TNS3: variants seen among roughly 807,000 people sequenced by gnomAD.
TNS3 encodes tensin 3, also known as tensin-3.
A neutral mutation model predicts 140.9 loss-of-function variants in TNS3; 45 were observed. That is an observed-to-expected ratio of 0.32 (90% CI 0.25 to 0.41). The LOEUF (loss-of-function observed/expected upper bound fraction) is 0.41, where lower values mean the gene tolerates loss of function less well. TNS3 is among the 10% of genes least tolerant of loss of function. The pLI, the probability that TNS3 is intolerant of heterozygous loss-of-function variation, is 1.00. For missense variants in TNS3, 1,716 were observed against 1,906.7 expected (o/e 0.90, Z 1.86); for synonymous variants, 815 against 788.4 (o/e 1.03, Z -0.56).
chr7:47,285,536 A>G (rs1286361031), intron 27 of TNS3, among the ~76,000 whole-genome samples: 13 of 152,138 alleles, frequency 8.5e-5, no homozygotes, highest in Admixed American at 7.9e-4. Context: ...TTCTACCATG[A>G]TCATGAGGCC....
chr7:47,416,976 C>G (rs1038987424), intron 10 of TNS3, among the ~76,000 whole-genome samples: 2 of 152,218 alleles, frequency 1.3e-5, no homozygotes, highest in African/African-American at 4.8e-5. Context: ...CAGTGGCACC[C>G]TGAGTCCCAC....
At chr7:47,422,827 G>C (rs377703368) in intron 10 of TNS3, among the ~76,000 whole-genome samples, 1 of 151,256 alleles carries the variant, frequency 6.6e-6, no homozygotes, top group South Asian at 2.1e-4. Context: ...TGAATGTCAC[G>C]ATTTTGGAAA....
chr7:47,275,877 G>C lies in TNS3; in HGVS notation c.*2199C>G. On this transcript the variant is annotated 3_prime_UTR_variant, in exon 31 of 31. Coordinates refer to ENST00000311160, the MANE Select transcript of TNS3 (RefSeq NM_022748.12). ...TCATGAGGGCCATCGCGGGCACCCC[G>C]ATGTCTCTGTGATTCCCTGGCAGGC... 1 of 455,982 alleles carries C rather than the reference G, an allele frequency of 2.2e-6. No individual in the cohort carries two copies. 28.2% of individuals were successfully genotyped at this position (455,982 alleles called of 1,614,324 possible). A position where few individuals can be genotyped will look rare whatever the true frequency, so the allele number is the denominator to read the frequency against.
At chr7:47,373,288 C>T (rs529217701) in intron 16 of TNS3, among the ~76,000 whole-genome samples, 43 of 152,118 alleles carry the variant, frequency 2.8e-4, no homozygotes, top group Non-Finnish European at 5.0e-4. Context: ...CCTGGTTTTA[C>T]GTTTACAAAA....
intron 1 of TNS3, among the ~76,000 whole-genome samples, chr7:47,544,130 C>A (rs944730333): frequency 2.6e-5 from 4 of 152,150 alleles, no homozygotes; most frequent in Admixed American, 1.3e-4. Flanking sequence ...AGGTGGCTCT[C>A]CCCAGCCCCC....
intron 16 of TNS3, among the ~76,000 whole-genome samples, chr7:47,380,332 G>A (rs987266605): frequency 3.3e-5 from 5 of 152,222 alleles, no homozygotes; most frequent in African/African-American, 1.2e-4. Flanking sequence ...ACTCCTAACT[G>A]AAAACACAGG....
At chr7:47,373,910 G>T (rs1484858332) in intron 16 of TNS3, among the ~76,000 whole-genome samples, 2 of 152,146 alleles carry the variant, frequency 1.3e-5, no homozygotes, top group Non-Finnish European at 2.9e-5. Flanking sequence ...CACACACACA[G>T]CCCACAAGGA....
rs1358975900 is a variant in TNS3 at position 47,407,710 on chromosome 7, G to T, written c.723+4017C>A. Among the ~76,000 whole-genome samples the T allele has an allele frequency of 1.3e-5, 2 of 152,158 alleles. No individual in the cohort carries two copies. The highest frequency in any genetic ancestry group is 4.8e-5 in the African/African-American group (2 of 41,438). On this transcript the variant is annotated intron_variant, in intron 13 of 30. Transcript: ENST00000311160. The surrounding 1 kb of genome is among the most constrained non-coding windows in gnomAD (Gnocchi z 4.1). ...AAATTAAAATGAGGTCATTAGGCTG[G>T]GCCCGAATGAATGATAACTGGTGTC... is the stretch of plus-strand genomic sequence containing the variant.
chr7:47,380,994 T>C (rs1360221174), intron 16 of TNS3, among the ~76,000 whole-genome samples: 1 of 152,148 alleles, frequency 6.6e-6, no homozygotes, highest in Non-Finnish European at 1.5e-5. Context: ...GGACTTTGAT[T>C]CCGCCAAAAA....
At chr7:47,333,869 CA>C (rs1368624140) in intron 20 of TNS3, among the ~76,000 whole-genome samples, 1 of 152,176 alleles carries the variant, frequency 6.6e-6, no homozygotes, top group Non-Finnish European at 1.5e-5. Context: ...GTTACACTAG[CA>C]TATTCATAGG....
At chr7:47,352,554 C>T (rs1231193571) in intron 17 of TNS3, among the ~76,000 whole-genome samples, 1 of 152,238 alleles carries the variant, frequency 6.6e-6, no homozygotes, top group Non-Finnish European at 1.5e-5. Context: ...CAAACAAGCC[C>T]TTCTCCCCAC....
In TNS3 at chr7:47,339,956, C is replaced by CATATATAT. The variant is rs35991026; in HGVS notation, c.2650+4791_2650+4798dup. Among the ~76,000 whole-genome samples, 246 of 136,496 alleles carry CATATATAT rather than the reference C, an allele frequency of 1.8e-3. 3 individuals are homozygous for CATATATAT. The highest frequency in any genetic ancestry group is 0.011 in the East Asian group (52 of 4,772). 89.5% of individuals were successfully genotyped at this position (136,496 alleles called of 152,430 possible). Reference sequence around the variant, plus strand: ...AATTTTTTTGAGCTATTATAAGTGGCATATATATATATATATATATATATG... The same window carrying CATATATAT: ...AATTTTTTTGAGCTATTATAAGTGGCATATATATATATATATATATATATATATATATG... On this transcript the variant is annotated intron_variant, in intron 20 of 30. Transcript: ENST00000311160.
intron 1 of TNS3, among the ~76,000 whole-genome samples, chr7:47,533,851 G>A (rs911233930): frequency 5.9e-5 from 9 of 152,168 alleles, no homozygotes; most frequent in Non-Finnish European, 8.8e-5. Flanking sequence ...TTCACCTTTC[G>A]AAATGATTGT....
chr7:47,426,021 C>CA (rs924546727), intron 9 of TNS3, among the ~76,000 whole-genome samples: 79 of 146,410 alleles, frequency 5.4e-4, no homozygotes, highest in South Asian at 2.4e-3. Flanking sequence ...ACCTAAATTA[C>CA]AAAAAAAAAA....
intron 20 of TNS3, among the ~76,000 whole-genome samples, chr7:47,312,413 C>A (rs1787156311): frequency 6.6e-6 from 1 of 152,136 alleles, no homozygotes; most frequent in South Asian, 2.1e-4. Context: ...TTAAAAATGT[C>A]TTTGCTGGGG....
chr7:47,488,282 C>T (rs553470548), intron 3 of TNS3, among the ~76,000 whole-genome samples: 1 of 152,328 alleles, frequency 6.6e-6, no homozygotes, highest in African/African-American at 2.4e-5. Context: ...ATTCCCAGTG[C>T]TGACACTGAC....
At chr7:47,355,871 T>G (rs547319611) in intron 17 of TNS3, among the ~76,000 whole-genome samples, 1 of 151,918 alleles carries the variant, frequency 6.6e-6, no homozygotes, top group Admixed American at 6.6e-5. Context: ...GGAAGTGGGA[T>G]GAGGGAGGGG....
At chr7:47,371,991 T>C (rs1451210017) in intron 16 of TNS3, among the ~76,000 whole-genome samples, 1 of 152,260 alleles carries the variant, frequency 6.6e-6, no homozygotes, top group East Asian at 1.9e-4. Flanking sequence ...AGTGTCTTTA[T>C]AGGCCCTGAG....
At chr7:47,290,783 A>T (rs906616322) in intron 27 of TNS3, among the ~76,000 whole-genome samples, 1 of 152,230 alleles carries the variant, frequency 6.6e-6, no homozygotes, top group East Asian at 1.9e-4. Flanking sequence ...CCTGTACCTT[A>T]TAAAACCAAA....
Sources: gnomAD v4.1 joint callset for allele counts (sites outside exome capture counted in the v4.1 genomes callset) on GRCh38, gnomAD v4.1.1 for gene constraint, Gnocchi (gnomAD v3.1) non-coding constraint, MANE v1.5 for transcripts, NCBI Gene and HGNC (gene_info 2026-07-23, HGNC 2026-07-21) for gene names.